The following KCTD16 variants were observed in gnomAD, a reference collection of about 807,000 sequenced individuals.
The protein encoded by KCTD16 is potassium channel tetramerization domain containing 16.
A neutral mutation model predicts 33.2 loss-of-function variants in KCTD16; 13 were observed. That is an observed-to-expected ratio of 0.39 (90% CI 0.25 to 0.62). KCTD16 has a LOEUF of 0.62. Among genes scored for constraint, KCTD16 ranks in the 20% least tolerant of loss-of-function variants. The pLI is 0.50. For missense variants in KCTD16, 441 were observed against 525.1 expected, an observed-to-expected ratio of 0.84 and a Z score of 1.57; for synonymous variants, 197 against 195.3, an observed-to-expected ratio of 1.01 and a Z score of -0.07.
At chr5:144,307,988 C>G (rs1036376018) in intron 3 of KCTD16, among the ~76,000 whole-genome samples, 2 of 152,176 alleles carry the variant, frequency 1.3e-5, no homozygotes, top group African/African-American at 4.8e-5. Flanking sequence ...GAATGTTAAC[C>G]AGCACATTAA....
Position 144,207,394 on chromosome 5 carries a change from A to G in KCTD16, c.680A>G (p.Tyr227Cys). The G allele has an allele frequency of 1.2e-6, 2 of 1,614,214 alleles. No homozygotes were observed. The highest frequency in any genetic ancestry group is 1.7e-6 in the Non-Finnish European group (2 of 1,180,034). ...RAPERYTSRF[Y>C]LKFKHLERAF... Reference sequence around the variant, plus strand: ...CCAGAAAGATACACCTCCAGATTTTATCTCAAATTCAAGCACCTGGAAAGG... The same window carrying G: ...CCAGAAAGATACACCTCCAGATTTTGTCTCAAATTCAAGCACCTGGAAAGG... The change falls in exon 3 of 4, where the codon TAT (tyrosine) becomes TGT (cysteine). Residue 227 changes from tyrosine to cysteine, a missense_variant. Physicochemically the swap from Tyr to Cys is radical, Grantham distance 194. Transcript: ENST00000512467.
intron 3 of KCTD16, among the ~76,000 whole-genome samples, chr5:144,262,020 A>G (rs1015414839): frequency 1.3e-5 from 2 of 152,192 alleles, no homozygotes; most frequent in Non-Finnish European, 2.9e-5. Flanking sequence ...AGACACAGGG[A>G]GTGCTACAAT....
At chr5:144,208,040 CTA>C (rs1476494938) in intron 3 of KCTD16, among the ~76,000 whole-genome samples, 2 of 152,144 alleles carry the variant, frequency 1.3e-5, no homozygotes, top group Non-Finnish European at 2.9e-5. Context: ...GTGGTCTTGG[CTA>C]GATGGCAGTA....
At chr5:144,259,339 A>ACATAATGC (rs1202011567) in intron 3 of KCTD16, among the ~76,000 whole-genome samples, 1 of 151,856 alleles carries the variant, frequency 6.6e-6, no homozygotes, top group Non-Finnish European at 1.5e-5. Flanking sequence ...TCAGACATGA[A>ACATAATGC]CATAATGCTA....
intron 3 of KCTD16, among the ~76,000 whole-genome samples, chr5:144,217,354 A>G (rs1375075741): frequency 6.6e-6 from 1 of 152,076 alleles, no homozygotes; most frequent in Non-Finnish European, 1.5e-5. Flanking sequence ...CCTTAAATAG[A>G]GGGATATCTG....
At chr5:144,227,902 T>A (rs953145075) in intron 3 of KCTD16, among the ~76,000 whole-genome samples, 6 of 152,190 alleles carry the variant, frequency 3.9e-5, no homozygotes, top group African/African-American at 1.2e-4. Context: ...TTTGGAAGAA[T>A]GGAGTTACTG....
intron 3 of KCTD16, among the ~76,000 whole-genome samples, chr5:144,368,251 A>G (rs951990196): frequency 6.6e-6 from 1 of 152,182 alleles, no homozygotes; most frequent in Non-Finnish European, 1.5e-5. Context: ...AATTAAAATT[A>G]TTAGTCAGTT....
chr5:144,474,214 CA>C lies in KCTD16; in HGVS notation c.*101del. 4 of 909,884 alleles carry C rather than the reference CA, an allele frequency of 4.4e-6. No individual in the cohort carries two copies. The highest frequency in any genetic ancestry group is 6.6e-6 in the Non-Finnish European group (4 of 606,164). 56.4% of individuals were successfully genotyped at this position (909,884 alleles called of 1,614,324 possible). ...AAGGAAAAAAATACAACTAATGATG[CA>C]CATTTCTTAGAACACAATAGTCCAT... On this transcript the variant is annotated 3_prime_UTR_variant, in exon 4 of 4. Transcript: ENST00000512467.
chr5:144,399,022 C>T (rs569198698), intron 3 of KCTD16, among the ~76,000 whole-genome samples: 6 of 152,114 alleles, frequency 3.9e-5, no homozygotes, highest in Non-Finnish European at 7.4e-5. Context: ...AACGGCAGCA[C>T]GTTTGCTAAT....
At chr5:144,413,708 A>G (rs186272444) in intron 3 of KCTD16, among the ~76,000 whole-genome samples, 1 of 152,316 alleles carries the variant, frequency 6.6e-6, no homozygotes, top group Admixed American at 6.5e-5. Context: ...CATTCATCAT[A>G]TCTCCGTGGT....
Position 144,482,443 on chromosome 5 carries a change from G to A in KCTD16, c.*8329G>A, listed in dbSNP as rs2127008267. ...TGCTGTGCTGCACACAGGTCACTAG[G>A]GCAAGCTTCAGGAGAAGTAAAATAG... On this transcript the variant is annotated 3_prime_UTR_variant, in exon 4 of 4. Transcript: ENST00000512467. 6.6e-6 allele frequency: 1 copy of A among 151,946 alleles called. No individual in the cohort carries two copies. Among genetic ancestry groups the A allele is most frequent in the Middle Eastern group, 3.4e-3 (1 of 294 alleles). The allele number at this position is 151,946 out of a possible 1,614,324, so 9.4% of individuals were successfully genotyped here.
chr5:144,185,742 G>T (rs549439999), intron 2 of KCTD16, among the ~76,000 whole-genome samples: 119 of 152,026 alleles, frequency 7.8e-4, no homozygotes, highest in African/African-American at 2.8e-3. Context: ...ATACATGAGT[G>T]AAATTACTAA....
In KCTD16 at chr5:144,205,255, G is replaced by T. The variant is rs552761320; in HGVS notation, c.-326-1134G>T. 13 of 309,502 alleles carry T rather than the reference G, an allele frequency of 4.2e-5. No individual in the cohort carries two copies. The South Asian group carries it at 1.8e-3, about 42-fold the overall frequency. The allele number at this position is 309,502 out of a possible 1,614,324, so 19.2% of individuals were successfully genotyped here. ...CCCACCGCCGGAGCGCGGCGTCCCC[G>T]TGCAGTCCTGGCAACCTGTCACCGA... On this transcript the variant is annotated intron_variant, in intron 2 of 3. Transcript: ENST00000512467.
intron 3 of KCTD16, among the ~76,000 whole-genome samples, chr5:144,417,742 T>C (rs1340170244): frequency 6.6e-6 from 1 of 152,214 alleles, no homozygotes; most frequent in Non-Finnish European, 1.5e-5. Context: ...GTCTCCTATG[T>C]TCATTGATCC....
chr5:144,429,786 A>G (rs1156742876), intron 3 of KCTD16, among the ~76,000 whole-genome samples: 1 of 152,166 alleles, frequency 6.6e-6, no homozygotes, highest in Non-Finnish European at 1.5e-5. Context: ...AATAAGGAAT[A>G]CAAAGGTGAA....
chr5:144,275,030 C>T lies in KCTD16; in HGVS notation c.832+67484C>T, dbSNP rs1029275823. 3.9e-5 allele frequency among the ~76,000 whole-genome samples: 6 copies of T among 152,230 alleles called. No individual in the cohort carries two copies. The South Asian group carries it at 6.2e-4, about 16-fold the overall frequency. On this transcript the variant is annotated intron_variant, in intron 3 of 3. Coordinates refer to ENST00000512467, the MANE Select transcript of KCTD16 (RefSeq NM_020768.4). The stretch of plus-strand genomic sequence containing the variant: ...AAAAGATATTTTGAAATTCTTTAAC[C>T]GTATATTAAAATGCAAATCGGTCTT...
At chr5:144,459,823 T>A (rs1419854041) in intron 3 of KCTD16, among the ~76,000 whole-genome samples, 1 of 131,856 alleles carries the variant, frequency 7.6e-6, no homozygotes, top group Non-Finnish European at 1.6e-5. Context: ...TCCAATATCA[T>A]CTTTTTTTTT....
At position 144,481,712 on chromosome 5, in the gene KCTD16, A is replaced by G. The variant is rs1754707065; in HGVS notation, c.*7598A>G. 6.6e-6 allele frequency: 1 copy of G among 151,896 alleles called. No homozygotes were observed. The highest frequency in any genetic ancestry group is 1.9e-4 in the East Asian group (1 of 5,160). 9.4% of individuals were successfully genotyped at this position (151,896 alleles called of 1,614,324 possible). A position where few individuals can be genotyped will look rare whatever the true frequency, so the allele number is the denominator to read the frequency against. On this transcript the variant is annotated 3_prime_UTR_variant, in exon 4 of 4. Coordinates refer to ENST00000512467, the MANE Select transcript of KCTD16 (RefSeq NM_020768.4). ...AGCAAATATTTGTTGGGTACATACT[A>G]TATATAGGTCACTGTCGTGAGCATT... is the stretch of plus-strand genomic sequence containing the variant.
rs766313711 is a variant in KCTD16 at position 144,484,018 on chromosome 5, C to T, written c.*9904C>T. ...ATTTTGGAGCAGAGGGGACGTTTTA[C>T]ATCATCCTAACTTCATGTTCCTCTG... On this transcript the variant is annotated 3_prime_UTR_variant, in exon 4 of 4. Transcript: ENST00000512467. 2.6e-4 allele frequency: 39 copies of T among 151,924 alleles called. No individual in the cohort carries two copies. Among genetic ancestry groups the T allele is most frequent in the Non-Finnish European group, 4.6e-4 (31 of 67,918 alleles). 9.4% of individuals were successfully genotyped at this position (151,924 alleles called of 1,614,324 possible). A position where few individuals can be genotyped will look rare whatever the true frequency, so the allele number is the denominator to read the frequency against.
Sources: gnomAD v4.1 joint callset for allele counts (sites outside exome capture counted in the v4.1 genomes callset) on GRCh38, gnomAD v4.1.1 for gene constraint, MANE v1.5 for transcripts, NCBI Gene and HGNC (gene_info 2026-07-23, HGNC 2026-07-21) for gene names.